The following FOXO3 variants were observed in gnomAD, a reference collection of about 807,000 sequenced individuals.
FOXO3 encodes forkhead box O3.
FOXO3 carries 4 observed loss-of-function variants against 41.9 expected under a neutral mutation model. The observed-to-expected ratio is 0.10, with a 90% CI of 0.05 to 0.22. The LOEUF (loss-of-function observed/expected upper bound fraction) is 0.22. Ranked by LOEUF, FOXO3 falls within the 10% of genes least tolerant of loss-of-function variation. The probability of loss-of-function intolerance (pLI) is 1.00; values close to 1 mark genes in which losing one functional copy is unlikely to be tolerated. For synonymous variants in FOXO3, 318 were observed against 389.3 expected (o/e 0.82, Z 2.16); for missense variants, 534 against 906.8 (o/e 0.59, Z 5.28).
At chr6:108,579,501 A>G (rs957381277) in intron 1 of FOXO3, among the ~76,000 whole-genome samples, 4 of 152,198 alleles carry the variant, frequency 2.6e-5, no homozygotes, top group Admixed American at 6.5e-5. Flanking sequence ...CCAGGAGAGT[A>G]CCAGGGACTT....
At chr6:108,630,731 A>G (rs1023468216) in intron 1 of FOXO3, among the ~76,000 whole-genome samples, 1 of 152,084 alleles carries the variant, frequency 6.6e-6, no homozygotes, top group Admixed American at 6.5e-5. Context: ...CTCTATAACT[A>G]ACTCTTTGCA....
chr6:108,583,897 C>T (rs182581457), intron 1 of FOXO3, among the ~76,000 whole-genome samples: 33 of 152,322 alleles, frequency 2.2e-4, no homozygotes, highest in African/African-American at 7.9e-4. Context: ...GTATAATTCT[C>T]GTAGACAGAG....
intron 1 of FOXO3, among the ~76,000 whole-genome samples, chr6:108,567,771 G>A (rs1775985019): frequency 6.6e-6 from 1 of 152,176 alleles, no homozygotes; most frequent in South Asian, 2.1e-4. Context: ...ACTAGGCCAG[G>A]TGCGGTGGCT....
Position 108,564,060 on chromosome 6 carries a change from G to A in FOXO3, c.621+2231G>A, listed in dbSNP as rs538579934. Among the ~76,000 whole-genome samples the A allele has an allele frequency of 3.2e-4, 49 of 151,854 alleles. 1 individual carries two copies. Among genetic ancestry groups the A allele is most frequent in the Non-Finnish European group, 5.3e-4 (36 of 67,992 alleles). ...CAAGGCTTAATATGCTTAATACAGG[G>A]CACACATTTTATGATTCTTTTACCT... On this transcript the variant is annotated intron_variant, in intron 1 of 2. Transcript: ENST00000406360.
At chr6:108,560,907 G>T, upstream of FOXO3, 1 of 1,199,438 alleles carries the variant, frequency 8.3e-7, no homozygotes. Context: ...TCGCGGCCTG[G>T]CCGGGGGGCG....
Position 108,678,366 on chromosome 6 carries a change from A to G in FOXO3, c.*35-1461A>G, listed in dbSNP as rs78950531. ...TTGTTTCACTACCACTTTTCTATCC[A>G]TTTCTTGGCCTAGAGCCGTTTCTTT... On this transcript the variant is annotated intron_variant, in intron 2 of 2. Coordinates refer to ENST00000406360, the MANE Select transcript of FOXO3 (RefSeq NM_001455.4). Among the ~76,000 whole-genome samples, 592 of 152,298 alleles carry G rather than the reference A, an allele frequency of 3.9e-3. 3 individuals carry two copies. Among genetic ancestry groups the G allele is most frequent in the African/African-American group, 0.014 (573 of 41,566 alleles).
chr6:108,611,206 G>A (rs1295133783), intron 1 of FOXO3, among the ~76,000 whole-genome samples: 3 of 152,118 alleles, frequency 2.0e-5, no homozygotes, highest in African/African-American at 7.2e-5. Context: ...TGAGAAGTAT[G>A]CCATTGTTGT....
chr6:108,667,859 C>T (rs1779106909), intron 2 of FOXO3, among the ~76,000 whole-genome samples: 1 of 152,294 alleles, frequency 6.6e-6, no homozygotes. Flanking sequence ...AAAGAACCAT[C>T]CAAAGGACAG....
chr6:108,659,119 A>T (rs1435501636), intron 1 of FOXO3, among the ~76,000 whole-genome samples: 1 of 152,072 alleles, frequency 6.6e-6, no homozygotes, highest in East Asian at 1.9e-4. Context: ...TCCTGAGCTC[A>T]AGCGATCCGT....
chr6:108,635,538 G>A (rs915205818), intron 1 of FOXO3, among the ~76,000 whole-genome samples: 10 of 152,284 alleles, frequency 6.6e-5, no homozygotes, highest in African/African-American at 1.9e-4. Context: ...TGTTTTAAAT[G>A]TGTCACAAAA....
At chr6:108,571,358 G>T (rs1776093000) in intron 1 of FOXO3, among the ~76,000 whole-genome samples, 1 of 152,170 alleles carries the variant, frequency 6.6e-6, no homozygotes. Context: ...GGTGGTGGGG[G>T]TTTATTTTTG....
At chr6:108,583,534 T>G (rs773491145) in intron 1 of FOXO3, among the ~76,000 whole-genome samples, 2 of 152,242 alleles carry the variant, frequency 1.3e-5, no homozygotes, top group Non-Finnish European at 2.9e-5. Context: ...AAGAGAAATT[T>G]GCAGTTTCAC....
chr6:108,616,215 A>G (rs1007471582), intron 1 of FOXO3, among the ~76,000 whole-genome samples: 1 of 122,148 alleles, frequency 8.2e-6, no homozygotes, highest in African/African-American at 3.2e-5. Flanking sequence ...CCCAGGCTTG[A>G]GTGCAGTGGC....
chr6:108,564,825 G>C (rs1291179939), intron 1 of FOXO3, among the ~76,000 whole-genome samples: 2 of 151,486 alleles, frequency 1.3e-5, no homozygotes, highest in Non-Finnish European at 2.9e-5. Flanking sequence ...TGATTCTAAT[G>C]TATAGTTAGG....
At chr6:108,589,087 A>C (rs1451504519) in intron 1 of FOXO3, among the ~76,000 whole-genome samples, 1 of 151,872 alleles carries the variant, frequency 6.6e-6, no homozygotes, top group Non-Finnish European at 1.5e-5. Context: ...AATCCGTCTT[A>C]AGGAGGAGAA....
intron 1 of FOXO3, among the ~76,000 whole-genome samples, chr6:108,568,116 G>T (rs923866523): frequency 2.6e-5 from 4 of 151,974 alleles, no homozygotes; most frequent in African/African-American, 7.3e-5. Flanking sequence ...GAGAGGCTGA[G>T]GCAGGAGGAT....
chr6:108,627,341 T>C (rs193277789), intron 1 of FOXO3, among the ~76,000 whole-genome samples: 1 of 152,258 alleles, frequency 6.6e-6, no homozygotes, highest in Non-Finnish European at 1.5e-5. Context: ...GACTCATTTA[T>C]TGATGACTGC....
At chr6:108,671,364 G>C (rs1293929568) in intron 2 of FOXO3, among the ~76,000 whole-genome samples, 2 of 152,182 alleles carry the variant, frequency 1.3e-5, no homozygotes, top group Non-Finnish European at 2.9e-5. Flanking sequence ...GCTCAGCTCT[G>C]AGGGAGCTGT....
intron 2 of FOXO3, among the ~76,000 whole-genome samples, chr6:108,675,164 CT>C (rs1434647216): frequency 6.6e-6 from 1 of 152,138 alleles, no homozygotes; most frequent in East Asian, 1.9e-4. Context: ...CATTCTTAAA[CT>C]TATTTTAGCC....
Sources: gnomAD v4.1 joint callset for allele counts (sites outside exome capture counted in the v4.1 genomes callset) on GRCh38, gnomAD v4.1.1 for gene constraint, MANE v1.5 for transcripts, NCBI Gene and HGNC (gene_info 2026-07-23, HGNC 2026-07-21) for gene names.